The following CNTN5 variants were observed in gnomAD, a reference collection of about 807,000 sequenced individuals.
CNTN5 encodes contactin 5.
A neutral mutation model predicts 129.1 loss-of-function variants in CNTN5; 77 were observed. That is an observed-to-expected ratio of 0.60 (90% CI 0.50 to 0.72). The LOEUF is 0.72. Ranked by LOEUF, CNTN5 falls within the 30% of genes least tolerant of loss-of-function variation. The probability of loss-of-function intolerance (pLI) is 0.00; values close to 1 mark genes in which losing one functional copy is unlikely to be tolerated. For missense variants in CNTN5, 1,478 were observed against 1,328.8 expected (o/e 1.11, Z -1.75); for synonymous variants, 509 against 465.6 (o/e 1.09, Z -1.20).
Position 99,403,736 on chromosome 11 carries a change from A to G in CNTN5, c.-71+78252A>G, listed in dbSNP as rs555623440. ...AGAGAAGATCCTTAATATTATTTCA[A>G]TTTTTTGAATGTTTTAAGACTTGTT... On this transcript the variant is annotated intron_variant, in intron 2 of 24. Transcript: ENST00000524871. 2.0e-5 allele frequency among the ~76,000 whole-genome samples: 3 copies of G among 152,144 alleles called. No individual in the cohort carries two copies. The South Asian group carries it at 6.2e-4, about 32-fold the overall frequency.
At chr11:99,075,946 A>G (rs1458843672) in intron 1 of CNTN5, among the ~76,000 whole-genome samples, 2 of 152,212 alleles carry the variant, frequency 1.3e-5, no homozygotes, top group Non-Finnish European at 2.9e-5. Context: ...ATATCATTTA[A>G]AATTAAGTAA....
intron 6 of CNTN5, among the ~76,000 whole-genome samples, chr11:99,906,768 T>C (rs1320527147): frequency 1.3e-5 from 2 of 152,188 alleles, no homozygotes; most frequent in Non-Finnish European, 2.9e-5. Flanking sequence ...TGAATCCATC[T>C]GATCCTGGGC....
chr11:99,303,507 C>T (rs1819890888), intron 1 of CNTN5, among the ~76,000 whole-genome samples: 1 of 148,530 alleles, frequency 6.7e-6, no homozygotes, highest in African/African-American at 2.5e-5. Flanking sequence ...TTGTGACCTA[C>T]CAAAGATAGG....
intron 1 of CNTN5, among the ~76,000 whole-genome samples, chr11:99,199,788 C>T (rs952153510): frequency 2.0e-4 from 31 of 152,292 alleles, no homozygotes; most frequent in African/African-American, 7.2e-4. Flanking sequence ...GAAATACACT[C>T]TAATTAGAGA....
At chr11:99,719,375 TCTTTC>T in intron 3 of CNTN5, among the ~76,000 whole-genome samples, 1 of 152,076 alleles carries the variant, frequency 6.6e-6, no homozygotes, top group Admixed American at 6.6e-5. Context: ...AGAAGGCCAC[TCTTTC>T]CTTAGGAGCT....
At chr11:99,139,628 C>T (rs541195476) in intron 1 of CNTN5, among the ~76,000 whole-genome samples, 1 of 152,176 alleles carries the variant, frequency 6.6e-6, no homozygotes, top group East Asian at 1.9e-4. Flanking sequence ...TTTCTTATTT[C>T]AATATGTATT....
At chr11:99,679,933 G>C (rs1386868091) in intron 3 of CNTN5, among the ~76,000 whole-genome samples, 1 of 152,164 alleles carries the variant, frequency 6.6e-6, no homozygotes, top group Non-Finnish European at 1.5e-5. Flanking sequence ...TCCTGATGTA[G>C]AGACAGTTTG....
intron 1 of CNTN5, among the ~76,000 whole-genome samples, chr11:99,290,111 C>A (rs1591476580): frequency 6.6e-6 from 1 of 151,410 alleles, no homozygotes; most frequent in East Asian, 1.9e-4. Context: ...AAATTATAAC[C>A]CCCCCAAAAT....
intron 3 of CNTN5, among the ~76,000 whole-genome samples, chr11:99,641,310 G>A (rs1026815807): frequency 6.6e-6 from 1 of 152,166 alleles, no homozygotes; most frequent in Non-Finnish European, 1.5e-5. Flanking sequence ...CCTGAACAGT[G>A]AGGATCAACT....
At chr11:100,005,835 T>C (rs927975146) in intron 9 of CNTN5, among the ~76,000 whole-genome samples, 1 of 152,146 alleles carries the variant, frequency 6.6e-6, no homozygotes, top group African/African-American at 2.4e-5. Flanking sequence ...ACAAAGAAGA[T>C]CATAAGTACA....
chr11:99,708,975 A>G (rs1346827086), intron 3 of CNTN5, among the ~76,000 whole-genome samples: 1 of 151,792 alleles, frequency 6.6e-6, no homozygotes, highest in African/African-American at 2.4e-5. Flanking sequence ...ATCCATTCAC[A>G]TTCATCTTCC....
chr11:99,772,247 G>A (rs544486184), intron 3 of CNTN5, among the ~76,000 whole-genome samples: 31 of 151,876 alleles, frequency 2.0e-4, no homozygotes, highest in Admixed American at 1.6e-3. Context: ...ACTGTAATCA[G>A]CTCAAGATTA....
chr11:99,582,634 T>C lies in CNTN5; in HGVS notation c.55+26365T>C, dbSNP rs1275240065. 2.0e-5 allele frequency among the ~76,000 whole-genome samples: 3 copies of C among 152,356 alleles called. No homozygotes were observed. In the East Asian group the frequency reaches 5.8e-4, roughly 29 times the overall value. On this transcript the variant is annotated intron_variant, in intron 3 of 24. Coordinates refer to ENST00000524871, the MANE Select transcript of CNTN5 (RefSeq NM_014361.4). ...TGATCTCATCGGTTACTGAGGCTTGTGCATTCACACATAGTTCTCATGCCA... is the reference window on the plus strand; with the variant it reads ...TGATCTCATCGGTTACTGAGGCTTGCGCATTCACACATAGTTCTCATGCCA...
chr11:99,379,935 A>G (rs1844083199), intron 2 of CNTN5, among the ~76,000 whole-genome samples: 3 of 152,238 alleles, frequency 2.0e-5, no homozygotes, highest in Middle Eastern at 3.4e-3. Context: ...ATATATGTGT[A>G]TATACACTTA....
chr11:99,308,472 G>A (rs553099327), intron 1 of CNTN5, among the ~76,000 whole-genome samples: 1 of 152,242 alleles, frequency 6.6e-6, no homozygotes, highest in Non-Finnish European at 1.5e-5. Flanking sequence ...ATTGGAATGT[G>A]ATAAGGACTC....
intron 13 of CNTN5, among the ~76,000 whole-genome samples, chr11:100,160,453 G>C (rs1314090779): frequency 6.6e-6 from 1 of 151,896 alleles, no homozygotes; most frequent in Non-Finnish European, 1.5e-5. Context: ...GGATTGCTCG[G>C]ACAAATCACA....
chr11:100,334,813 G>T (rs557936567), intron 21 of CNTN5, among the ~76,000 whole-genome samples: 1 of 151,982 alleles, frequency 6.6e-6, no homozygotes, highest in Non-Finnish European at 1.5e-5. Flanking sequence ...AAAAGTTCTC[G>T]CATTGGGTGC....
intron 3 of CNTN5, among the ~76,000 whole-genome samples, chr11:99,742,300 T>C (rs771993195): frequency 1.4e-4 from 22 of 152,186 alleles, no homozygotes; most frequent in Non-Finnish European, 1.9e-4. Context: ...GTAGAAAGAT[T>C]GGCATTTAAA....
chr11:100,222,327 A>G (rs1465601979), intron 15 of CNTN5, among the ~76,000 whole-genome samples: 1 of 152,214 alleles, frequency 6.6e-6, no homozygotes. Context: ...GTAAAGGACA[A>G]CATAGAAAAG....
Sources: gnomAD v4.1 joint callset for allele counts (sites outside exome capture counted in the v4.1 genomes callset) on GRCh38, gnomAD v4.1.1 for gene constraint, MANE v1.5 for transcripts, NCBI Gene and HGNC (gene_info 2026-07-23, HGNC 2026-07-21) for gene names.